Variants in TYR observed in about 807,000 individuals in gnomAD.
TYR encodes the protein tyrosinase.
Under a neutral mutation model 51.5 loss-of-function variants are expected in TYR, and 58 were observed. The ratio of observed to expected loss-of-function variants is 1.13; its 90% CI spans 0.91 to 1.40. TYR has a LOEUF of 1.40. TYR is among the 40% of genes most tolerant of loss of function. The pLI, the probability that TYR is intolerant of heterozygous loss-of-function variation, is 0.00. For synonymous variants in TYR, 263 were observed against 235.2 expected (o/e 1.12, Z -1.08); for missense variants, 732 against 647.4 (o/e 1.13, Z -1.42).
chr11:89,272,441 T>A (rs375157664), intron 3 of TYR, among the ~76,000 whole-genome samples: 2 of 151,742 alleles, frequency 1.3e-5, no homozygotes, highest in Non-Finnish European at 2.9e-5. Flanking sequence ...ACTTGAAATA[T>A]TCAGTAAATC....
At chr11:89,203,503 T>G (rs1191162426) in intron 2 of TYR, among the ~76,000 whole-genome samples, 1 of 152,306 alleles carries the variant, frequency 6.6e-6, no homozygotes, top group East Asian at 1.9e-4. Flanking sequence ...CAACACAGAC[T>G]TCTACTTCTG....
chr11:89,184,365 T>C (rs1210847446), intron 1 of TYR, among the ~76,000 whole-genome samples: 6 of 152,172 alleles, frequency 3.9e-5, no homozygotes, highest in Non-Finnish European at 8.8e-5. Context: ...TTAGTCTACA[T>C]ACTTGTAGCG....
intron 1 of TYR, among the ~76,000 whole-genome samples, chr11:89,182,606 A>C (rs899972406): frequency 2.0e-5 from 3 of 152,122 alleles, no homozygotes; most frequent in African/African-American, 7.2e-5. Flanking sequence ...TCAGGTAATT[A>C]ATTTATTTGG....
chr11:89,196,306 T>A (rs1943517959), intron 2 of TYR, among the ~76,000 whole-genome samples: 1 of 152,004 alleles, frequency 6.6e-6, no homozygotes, highest in Non-Finnish European at 1.5e-5. Context: ...GGATGGAAAA[T>A]TCATGAAGAT....
intron 3 of TYR, among the ~76,000 whole-genome samples, chr11:89,265,465 A>T (rs1944514658): frequency 6.6e-6 from 1 of 152,058 alleles, no homozygotes; most frequent in Non-Finnish European, 1.5e-5. Context: ...GGCCTTTCTC[A>T]TTTCATGAAT....
chr11:89,206,014 T>C (rs1463194478), intron 2 of TYR, among the ~76,000 whole-genome samples: 1 of 151,994 alleles, frequency 6.6e-6, no homozygotes, highest in Non-Finnish European at 1.5e-5. Flanking sequence ...AATAAAGTGA[T>C]ACAAAGAAAT....
chr11:89,228,281 T>C (rs537005180), intron 3 of TYR, among the ~76,000 whole-genome samples: 1 of 152,294 alleles, frequency 6.6e-6, no homozygotes, highest in African/African-American at 2.4e-5. Context: ...AAGTATACCC[T>C]AGTTTGTCCT....
At chr11:89,188,266 T>C (rs989370085) in intron 1 of TYR, among the ~76,000 whole-genome samples, 1 of 151,892 alleles carries the variant, frequency 6.6e-6, no homozygotes, top group African/African-American at 2.4e-5. Context: ...TATTAGACTG[T>C]AAACTCTATA....
Position 89,232,494 on chromosome 11 carries a change from A to G in TYR, c.1184+4524A>G, listed in dbSNP as rs1404649927. Among the ~76,000 whole-genome samples, 6 of 142,978 alleles carry G rather than the reference A, an allele frequency of 4.2e-5. 3 individuals carry two copies. Among genetic ancestry groups the G allele is most frequent in the African/African-American group, 1.7e-4 (6 of 36,044 alleles). The allele number at this position is 142,978 out of a possible 152,430, so 93.8% of individuals were successfully genotyped here. A position where few individuals can be genotyped will look rare whatever the true frequency, so the allele number is the denominator to read the frequency against. On this transcript the variant is annotated intron_variant, in intron 3 of 4. Coordinates refer to ENST00000263321, the MANE Select transcript of TYR (RefSeq NM_000372.5). Reference sequence around the variant, plus strand: ...TTTCTCTTATAAGTGGGAGGTAAACATTGGCTACATATGAACATAAAGATG... The same window carrying G: ...TTTCTCTTATAAGTGGGAGGTAAACGTTGGCTACATATGAACATAAAGATG...
chr11:89,265,906 G>GA (rs201257695), intron 3 of TYR, among the ~76,000 whole-genome samples: 4,501 of 151,894 alleles, frequency 0.03, 243 homozygotes, highest in African/African-American at 0.1. Flanking sequence ...AGTAGAAAAG[G>GA]AAAAAAACTA....
chr11:89,225,739 T>G (rs1943968135), intron 2 of TYR, among the ~76,000 whole-genome samples: 2 of 151,850 alleles, frequency 1.3e-5, no homozygotes, highest in Admixed American at 1.3e-4. Flanking sequence ...TATTATATCC[T>G]CTGAAACTAT....
At chr11:89,199,015 G>T (rs951707515) in intron 2 of TYR, among the ~76,000 whole-genome samples, 1 of 152,032 alleles carries the variant, frequency 6.6e-6, no homozygotes, top group Non-Finnish European at 1.5e-5. Context: ...GCGGTGTTTG[G>T]TTTTTTGTCC....
chr11:89,247,611 A>G (rs1944283063), intron 3 of TYR, among the ~76,000 whole-genome samples: 1 of 152,250 alleles, frequency 6.6e-6, no homozygotes, highest in South Asian at 2.1e-4. Flanking sequence ...ATGACTTGTC[A>G]TTATTGCTGA....
At chr11:89,211,486 C>T (rs1943755087) in intron 2 of TYR, among the ~76,000 whole-genome samples, 1 of 152,080 alleles carries the variant, frequency 6.6e-6, no homozygotes, top group South Asian at 2.1e-4. Flanking sequence ...GAGTTAGACT[C>T]CCATACAATA....
At chr11:89,202,118 A>T (rs898140180) in intron 2 of TYR, among the ~76,000 whole-genome samples, 1 of 152,152 alleles carries the variant, frequency 6.6e-6, no homozygotes. Context: ...GTGGAGATAT[A>T]GATATATCAC....
chr11:89,225,185 G>A (rs879602729), intron 2 of TYR, among the ~76,000 whole-genome samples: 1 of 151,844 alleles, frequency 6.6e-6, no homozygotes, highest in South Asian at 2.1e-4. Flanking sequence ...TATTTATGGT[G>A]CATCACATGA....
chr11:89,183,322 A>G (rs1027662977), intron 1 of TYR, among the ~76,000 whole-genome samples: 4 of 152,082 alleles, frequency 2.6e-5, no homozygotes, highest in African/African-American at 7.2e-5. Context: ...AAAAAAACAG[A>G]GTCATCATCA....
intron 4 of TYR, among the ~76,000 whole-genome samples, chr11:89,289,289 C>A (rs1944830030): frequency 6.6e-6 from 1 of 151,960 alleles, no homozygotes; most frequent in Non-Finnish European, 1.5e-5. Context: ...CCCCATTCTG[C>A]CAATGGAATT....
chr11:89,206,668 A>AACG (rs1223250165), intron 2 of TYR, among the ~76,000 whole-genome samples: 3 of 151,876 alleles, frequency 2.0e-5, no homozygotes, highest in Non-Finnish European at 4.4e-5. Flanking sequence ...CAATAACAAC[A>AACG]ACAAAAAATA....
Sources: gnomAD v4.1 joint callset for allele counts (sites outside exome capture counted in the v4.1 genomes callset) on GRCh38, gnomAD v4.1.1 for gene constraint, MANE v1.5 for transcripts, NCBI Gene and HGNC (gene_info 2026-07-23, HGNC 2026-07-21) for gene names.